ARHGAP10: variants seen among roughly 807,000 people sequenced by gnomAD.
The protein encoded by ARHGAP10 is Rho GTPase activating protein 10.
In ARHGAP10, 87 loss-of-function variants were observed where a neutral mutation model predicts 108.6. The observed-to-expected ratio is 0.80, with a 90% CI of 0.67 to 0.96. The LOEUF (loss-of-function observed/expected upper bound fraction) is 0.96, where lower values mean the gene tolerates loss of function less well. Ranked by LOEUF, ARHGAP10 falls within the 40% of genes least tolerant of loss-of-function variation. The pLI is 0.00. For synonymous variants in ARHGAP10, 347 were observed against 341.1 expected, an observed-to-expected ratio of 1.02 and a Z score of -0.19; for missense variants, 939 against 954.5, an observed-to-expected ratio of 0.98 and a Z score of 0.21.
chr4:147,898,679 T>C (rs1050412599), intron 10 of ARHGAP10, among the ~76,000 whole-genome samples: 2 of 152,170 alleles, frequency 1.3e-5, no homozygotes, highest in Non-Finnish European at 2.9e-5. Flanking sequence ...CCACCTGATT[T>C]CCATTTGTGT....
rs977884348 is a variant in ARHGAP10, at chr4:147,986,916, A to T, written c.1716+20077A>T. Among the ~76,000 whole-genome samples the T allele has an allele frequency of 2.6e-5, 4 of 152,172 alleles. No homozygotes were observed. The East Asian group carries it at 7.7e-4, about 29-fold the overall frequency. On this transcript the variant is annotated intron_variant, in intron 18 of 22. Transcript: ENST00000336498. ...TTGGAGGTGGATTCTTAAGCCCTAGACTCTGCTGCTGCTCCTTCCATTCGA... is the reference window on the plus strand; with the variant it reads ...TTGGAGGTGGATTCTTAAGCCCTAGTCTCTGCTGCTGCTCCTTCCATTCGA...
intron 10 of ARHGAP10, among the ~76,000 whole-genome samples, chr4:147,902,529 T>C (rs928356489): frequency 2.0e-5 from 3 of 152,020 alleles, no homozygotes; most frequent in African/African-American, 7.2e-5. Flanking sequence ...AGTGACCTGG[T>C]CAGGAGTTTG....
chr4:147,946,079 C>A (rs1738367150), intron 14 of ARHGAP10, among the ~76,000 whole-genome samples: 1 of 152,128 alleles, frequency 6.6e-6, no homozygotes, highest in Admixed American at 6.6e-5. Context: ...TGTTAAAAGA[C>A]CGAAATTTTT....
At chr4:147,921,741 C>T (rs191979354) in intron 13 of ARHGAP10, among the ~76,000 whole-genome samples, 130 of 152,268 alleles carry the variant, frequency 8.5e-4, no homozygotes, top group African/African-American at 1.9e-3. Flanking sequence ...CTCCTGTTCA[C>T]TCATCCCACC....
Position 148,023,463 on chromosome 4 carries a change from G to A in ARHGAP10, c.1867+50G>A, listed in dbSNP as rs376798554. On this transcript the variant is annotated intron_variant, in intron 19 of 22. Transcript: ENST00000336498. ...CTTGATAGCATGTTGAGAGTATGGC[G>A]TATCATATGTCGTCAGGGCAGGCCA... 239 of 1,566,754 alleles carry A rather than the reference G, an allele frequency of 1.5e-4. No homozygotes were observed. The African/African-American group carries it at 2.1e-3, about 14-fold the overall frequency.
intron 20 of ARHGAP10, 140 bp from the exon 21 acceptor site, chr4:148,063,008 G>T: frequency 9.5e-7 from 1 of 1,049,038 alleles, no homozygotes; most frequent in Non-Finnish European, 1.4e-6. Context: ...GCCCCGGCAG[G>T]ATGCAGAGAG....
intron 1 of ARHGAP10, among the ~76,000 whole-genome samples, chr4:147,790,253 T>C (rs1731066129): frequency 6.6e-6 from 1 of 152,142 alleles, no homozygotes; most frequent in Non-Finnish European, 1.5e-5. Context: ...CTCCTTCTCT[T>C]ACAATAATTC....
chr4:147,924,511 T>A (rs1461696066), intron 13 of ARHGAP10, among the ~76,000 whole-genome samples: 1 of 152,220 alleles, frequency 6.6e-6, no homozygotes, highest in African/African-American at 2.4e-5. Context: ...GGAGGTTGGG[T>A]AGTTGTCAGA....
chr4:147,829,273 C>T (rs891912856), intron 3 of ARHGAP10, among the ~76,000 whole-genome samples: 5 of 151,940 alleles, frequency 3.3e-5, no homozygotes, highest in African/African-American at 9.7e-5. Context: ...AGGTTGGTCT[C>T]GATCTCCTGA....
chr4:147,853,756 G>T, intron 4 of ARHGAP10, among the ~76,000 whole-genome samples: 1 of 151,062 alleles, frequency 6.6e-6, no homozygotes, highest in African/African-American at 2.4e-5. Flanking sequence ...TTTTTATATT[G>T]GCAAGTTCTT....
At chr4:147,759,334 A>G (rs901226908) in intron 1 of ARHGAP10, among the ~76,000 whole-genome samples, 1 of 152,240 alleles carries the variant, frequency 6.6e-6, no homozygotes, top group Non-Finnish European at 1.5e-5. Flanking sequence ...GAATGAATTT[A>G]TAAGTCATTG....
At chr4:147,866,890 CTTAA>C in intron 7 of ARHGAP10, 74 bp downstream of exon 7, 1 of 1,281,804 alleles carries the variant, frequency 7.8e-7, no homozygotes, top group Non-Finnish European at 1.1e-6. Flanking sequence ...TATGAAAAGC[CTTAA>C]TTAAATGAAG....
intron 1 of ARHGAP10, among the ~76,000 whole-genome samples, chr4:147,743,958 CTTAT>C (rs1432164757): frequency 6.6e-6 from 1 of 152,092 alleles, no homozygotes; most frequent in Admixed American, 6.6e-5. Context: ...CTAGAACAAC[CTTAT>C]TTATGACAGT....
chr4:147,788,272 C>G (rs1167588991), intron 1 of ARHGAP10, among the ~76,000 whole-genome samples: 1 of 152,018 alleles, frequency 6.6e-6, no homozygotes, highest in Non-Finnish European at 1.5e-5. Context: ...TGGTGAAACC[C>G]TGTCTCTATT....
At chr4:148,038,538 A>G (rs892037575) in intron 19 of ARHGAP10, among the ~76,000 whole-genome samples, 1 of 152,144 alleles carries the variant, frequency 6.6e-6, no homozygotes, top group South Asian at 2.1e-4. Context: ...TACCTCCTGA[A>G]CCCTCGTCTT....
intron 1 of ARHGAP10, among the ~76,000 whole-genome samples, chr4:147,753,231 C>T (rs1291839069): frequency 3.3e-5 from 5 of 152,200 alleles, no homozygotes; most frequent in Admixed American, 3.3e-4. Flanking sequence ...CCTTCTTACA[C>T]CATAGATAAG....
intron 19 of ARHGAP10, among the ~76,000 whole-genome samples, chr4:148,034,222 T>C (rs746824047): frequency 2.0e-5 from 3 of 152,236 alleles, no homozygotes; most frequent in Non-Finnish European, 4.4e-5. Flanking sequence ...ATGTTTGGTA[T>C]GCTTTCAAAT....
intron 1 of ARHGAP10, among the ~76,000 whole-genome samples, chr4:147,756,699 A>G (rs1465925246): frequency 1.3e-5 from 2 of 152,160 alleles, no homozygotes; most frequent in Admixed American, 1.3e-4. Flanking sequence ...TAAGGTTTAC[A>G]GTGCTATTCA....
intron 3 of ARHGAP10, among the ~76,000 whole-genome samples, chr4:147,843,051 T>C (rs1426107953): frequency 6.6e-6 from 1 of 152,140 alleles, no homozygotes; most frequent in African/African-American, 2.4e-5. Flanking sequence ...ATGGAAAAAA[T>C]AGCCATTTGG....
Sources: allele counts gnomAD v4.1 joint callset (sites outside exome capture counted in the v4.1 genomes callset), GRCh38; gene constraint gnomAD v4.1.1; transcripts MANE v1.5; gene names NCBI Gene and HGNC (gene_info 2026-07-23, HGNC 2026-07-21).